OTUD7B: variants seen among roughly 807,000 people sequenced by gnomAD.
OTUD7B encodes OTU domain-containing protein 7B.
In OTUD7B, 34 loss-of-function variants were observed where a neutral mutation model predicts 82.2. That is an observed-to-expected ratio of 0.41 (90% CI 0.31 to 0.55). OTUD7B has a LOEUF of 0.55. Among genes scored for constraint, OTUD7B ranks in the 20% least tolerant of loss-of-function variants. The pLI is 0.20. For missense variants in OTUD7B, 944 were observed against 1,062.1 expected, an observed-to-expected ratio of 0.89 and a Z score of 1.55; for synonymous variants, 398 against 402.7, an observed-to-expected ratio of 0.99 and a Z score of 0.14.
intron 7 of OTUD7B, 68 bp from the exon 8 acceptor site, chr1:149,950,289 C>T: frequency 6.6e-7 from 1 of 1,509,120 alleles, no homozygotes; most frequent in Non-Finnish European, 9.1e-7. Flanking sequence ...ACAGGAGACC[C>T]TGAAGACCAG....
rs3738320 is a variant in OTUD7B at position 150,010,677 on chromosome 1, A to G, written c.-296T>C. 48,860 of 152,122 alleles carry G rather than the reference A, an allele frequency of 0.32. 9,113 individuals carry two copies. Among genetic ancestry groups the G allele is most frequent in the African/African-American group, 0.51 (21,128 of 41,352 alleles). 9.4% of individuals were successfully genotyped at this position (152,122 alleles called of 1,614,324 possible). On this transcript the variant is annotated 5_prime_UTR_variant, in exon 1 of 12. Coordinates refer to ENST00000581312, the MANE Select transcript of OTUD7B (RefSeq NM_020205.4). ...GGCCTCCCCCAGTGGCTTTTTGCCC[A>G]CTCCGCACCCGGTCGCCACTCCGGC... is the stretch of plus-strand genomic sequence containing the variant.
intron 3 of OTUD7B, among the ~76,000 whole-genome samples, chr1:149,967,928 T>C (rs1553776970): frequency 6.6e-6 from 1 of 152,172 alleles, no homozygotes; most frequent in African/African-American, 2.4e-5. Flanking sequence ...ACCTCTCTGG[T>C]AATTCTCAGG....
the OTUD7B span, among the ~76,000 whole-genome samples, chr1:150,055,996 T>G: frequency 1.3e-5 from 2 of 152,070 alleles, no homozygotes; most frequent in African/African-American, 2.4e-5. Flanking sequence ...CATGGGTTTA[T>G]CTATATAACA....
chr1:150,054,954 A>C, the OTUD7B span: 1 of 325,570 alleles, frequency 3.1e-6, no homozygotes, highest in Non-Finnish European at 6.2e-6. Context: ...CCAAAATCAA[A>C]GCTATTCCTC....
At chr1:149,984,869 C>G (rs1340203546) in intron 1 of OTUD7B, among the ~76,000 whole-genome samples, 1 of 152,054 alleles carries the variant, frequency 6.6e-6, no homozygotes, top group Non-Finnish European at 1.5e-5. Flanking sequence ...CTAATTTTAC[C>G]TTAAATATCT....
rs1195052351 is a variant in OTUD7B at position 149,997,542 on chromosome 1, T to TG, written c.-67+12905dup. Among the ~76,000 whole-genome samples the TG allele has an allele frequency of 1.1e-4, 17 of 151,780 alleles. No homozygotes were observed. In the East Asian group the frequency reaches 3.1e-3, roughly 28 times the overall value. On this transcript the variant is annotated intron_variant, in intron 1 of 11. Transcript: ENST00000581312. ...CAAGCCTACCTTCTTGCAGGGAGAGTGGGGGGACACTAATTGTATCTTCAA... is the reference window on the plus strand; with the variant it reads ...CAAGCCTACCTTCTTGCAGGGAGAGTGGGGGGGACACTAATTGTATCTTCAA...
chr1:149,999,540 A>C (rs1299829513), intron 1 of OTUD7B, among the ~76,000 whole-genome samples: 1 of 152,204 alleles, frequency 6.6e-6, no homozygotes, highest in Non-Finnish European at 1.5e-5. Context: ...TCACAATGGA[A>C]CACATAAGAG....
chr1:150,033,845 C>G, the OTUD7B span, among the ~76,000 whole-genome samples: 2 of 152,090 alleles, frequency 1.3e-5, no homozygotes, highest in African/African-American at 4.8e-5. Context: ...CCTCAGCCTC[C>G]CAAGTAGCTG....
the OTUD7B span, among the ~76,000 whole-genome samples, chr1:150,058,186 T>C: frequency 6.6e-6 from 1 of 152,198 alleles, no homozygotes; most frequent in Non-Finnish European, 1.5e-5. Context: ...ATGTGGTCCA[T>C]GGAACGCCAG....
intron 8 of OTUD7B, 38 bp downstream of exon 8, chr1:149,950,056 G>T (rs1553772984): frequency 1.9e-6 from 3 of 1,611,142 alleles, no homozygotes; most frequent in East Asian, 2.2e-5. Flanking sequence ...GCAAAAGGGG[G>T]TGCTCAGCAT....
chr1:150,018,126 C>T, the OTUD7B span, among the ~76,000 whole-genome samples: 1 of 152,266 alleles, frequency 6.6e-6, no homozygotes, highest in South Asian at 2.1e-4. Context: ...ACGTAGGTAA[C>T]CTTCCTAGTT....
chr1:149,991,248 A>G (rs115376065), intron 1 of OTUD7B, among the ~76,000 whole-genome samples: 2,073 of 152,184 alleles, frequency 0.014, 56 homozygotes, highest in African/African-American at 0.047. Flanking sequence ...AAACACACAC[A>G]CATTTTCCAG....
At chr1:149,945,118 GA>G (rs1647622615) in intron 11 of OTUD7B, 53 bp from the exon 12 acceptor site, 2 of 1,568,110 alleles carry the variant, frequency 1.3e-6, no homozygotes, top group African/African-American at 2.7e-5. Context: ...TGGGGTGGGG[GA>G]ATCCCCCAGG....
the OTUD7B span, among the ~76,000 whole-genome samples, chr1:150,031,177 A>T: frequency 1.3e-5 from 2 of 152,228 alleles, no homozygotes; most frequent in Non-Finnish European, 2.9e-5. Context: ...AAATAAATTA[A>T]AGAAAAATTT....
chr1:149,982,440 T>A (rs137977604), intron 1 of OTUD7B, among the ~76,000 whole-genome samples: 159 of 152,192 alleles, frequency 1.0e-3, no homozygotes, highest in African/African-American at 3.8e-3. Context: ...TATCAAAGAC[T>A]TAAACACCTG....
At chr1:150,043,031 A>G in the OTUD7B span, among the ~76,000 whole-genome samples, 1 of 152,172 alleles carries the variant, frequency 6.6e-6, no homozygotes, top group Non-Finnish European at 1.5e-5. Flanking sequence ...ATGTATTCAG[A>G]GATACATTTC....
Position 149,967,483 on chromosome 1 carries a change from T to C in OTUD7B, c.313A>G (p.Ser105Gly), listed in dbSNP as rs1553776884. ...TGGGACCGGGCCAGGGAAACAATGC[T>C]GGAGCTGGCGTGGGAGATGCCCCTA... ...LSRGISHASSSIVSLARSHVS... is the reference protein window; with the variant it reads ...LSRGISHASSGIVSLARSHVS... The change falls in exon 4 of 12, where the codon AGC (serine) becomes GGC (glycine). Residue 105 changes from serine to glycine, a missense_variant. By Grantham distance (56) the Ser-to-Gly change is moderately conservative. This residue lies in a region of OTUD7B where 530 missense variants were observed against 625.6 expected (regional missense o/e 0.85). Coordinates refer to ENST00000581312, the MANE Select transcript of OTUD7B (RefSeq NM_020205.4). 6.2e-7 allele frequency: 1 copy of C among 1,613,234 alleles called. No individual in the cohort carries two copies. The highest frequency in any genetic ancestry group is 2.2e-5 in the East Asian group (1 of 44,868).
chr1:149,967,052 T>C (rs1204240278), intron 4 of OTUD7B, among the ~76,000 whole-genome samples: 2 of 152,234 alleles, frequency 1.3e-5, no homozygotes, highest in Non-Finnish European at 2.9e-5. Context: ...TTTCGAGGTA[T>C]TGATTCCTAG....
Position 149,995,139 on chromosome 1 carries a change from A to G in OTUD7B, c.-67+15309T>C, listed in dbSNP as rs587727936. Among the ~76,000 whole-genome samples the G allele has an allele frequency of 3.9e-5, 6 of 152,358 alleles. No individual in the cohort carries two copies. The East Asian group carries it at 9.6e-4, about 24-fold the overall frequency. On this transcript the variant is annotated intron_variant, in intron 1 of 11. Coordinates refer to ENST00000581312, the MANE Select transcript of OTUD7B (RefSeq NM_020205.4). ...AGGACCTTTTGAAGATTTAACGTTT[A>G]TTGTGCACCTAATCCAAGTACCATG...
Sources: gnomAD v4.1 joint callset for allele counts (sites outside exome capture counted in the v4.1 genomes callset) on GRCh38, gnomAD v4.1.1 for gene constraint, gnomAD v4.1.1 regional missense constraint, MANE v1.5 for transcripts, NCBI Gene and HGNC (gene_info 2026-07-23, HGNC 2026-07-21) for gene names.